DAB1: variants seen among roughly 807,000 people sequenced by gnomAD.
DAB1 encodes disabled homolog 1.
DAB1 carries 15 observed loss-of-function variants against 64.6 expected under a neutral mutation model. That is an observed-to-expected ratio of 0.23 (90% CI 0.16 to 0.36). The LOEUF is 0.36. Ranked by LOEUF, DAB1 falls within the 10% of genes least tolerant of loss-of-function variation. The pLI is 1.00. For missense variants in DAB1, 596 were observed against 706.7 expected (o/e 0.84, Z 1.78); for synonymous variants, 235 against 251.9 (o/e 0.93, Z 0.64).
chr1:57,407,468 C>T lies in DAB1; in HGVS notation c.-137+16462G>A, dbSNP rs188381880. Among the ~76,000 whole-genome samples the T allele has an allele frequency of 2.5e-3, 383 of 152,168 alleles. 3 individuals are homozygous for T. The highest frequency in any genetic ancestry group is 3.9e-3 in the Non-Finnish European group (265 of 67,996). On this transcript the variant is annotated intron_variant, in intron 1 of 14. Coordinates refer to ENST00000371236, the MANE Select transcript of DAB1 (RefSeq NM_001365792.1). Reference sequence around the variant, plus strand: ...AAGGGAAGAGCGGTGTGACTTTGTGCAATGCATTTCACTGTCTGAAGATAA... The same window carrying T: ...AAGGGAAGAGCGGTGTGACTTTGTGTAATGCATTTCACTGTCTGAAGATAA...
chr1:57,730,121 C>G (rs1459805881), intron 6 of DAB1, among the ~76,000 whole-genome samples: 1 of 152,160 alleles, frequency 6.6e-6, no homozygotes, highest in Non-Finnish European at 1.5e-5. Flanking sequence ...AACTGGGCAC[C>G]TACTGGGTGT....
intron 7 of DAB1, among the ~76,000 whole-genome samples, chr1:57,464,619 T>C (rs936381245): frequency 6.6e-6 from 1 of 152,158 alleles, no homozygotes; most frequent in African/African-American, 2.4e-5. Context: ...AAATAAGTAT[T>C]TCTCAAATGA....
At chr1:57,932,239 T>C (rs905320376) in intron 5 of DAB1, among the ~76,000 whole-genome samples, 4 of 152,218 alleles carry the variant, frequency 2.6e-5, no homozygotes, top group East Asian at 1.9e-4. Flanking sequence ...TTAAAGTTTG[T>C]TTTATGGCCC....
At chr1:57,100,024 T>C (rs1230119373) in intron 4 of DAB1, among the ~76,000 whole-genome samples, 1 of 152,130 alleles carries the variant, frequency 6.6e-6, no homozygotes, top group African/African-American at 2.4e-5. Flanking sequence ...ATTAAATCAA[T>C]CTATTCACAA....
intron 4 of DAB1, among the ~76,000 whole-genome samples, chr1:58,310,860 G>A (rs1356263190): frequency 6.6e-6 from 1 of 152,066 alleles, no homozygotes; most frequent in Non-Finnish European, 1.5e-5. Flanking sequence ...GGCATTAGGG[G>A]CAAGAGACAG....
intron 4 of DAB1, among the ~76,000 whole-genome samples, chr1:58,203,562 A>G (rs1351637120): frequency 6.6e-6 from 1 of 152,128 alleles, no homozygotes; most frequent in Non-Finnish European, 1.5e-5. Flanking sequence ...AACTTTAGGG[A>G]GCATGAGAAT....
rs1645413023 is a variant in DAB1 at position 58,475,766 on chromosome 1, T to G, written n.257+30294A>C. ...TTAAACCCATAATAATTCTGGGAAT[T>G]GGGCAGGGCAAATATTACTATCCTA... On this transcript the variant is annotated intron_variant and non_coding_transcript_variant, in intron 3 of 20. Transcript: ENST00000485760. 2.0e-5 allele frequency among the ~76,000 whole-genome samples: 3 copies of G among 152,336 alleles called. No individual in the cohort carries two copies. In the South Asian group the frequency reaches 6.2e-4, roughly 32 times the overall value.
At chr1:57,545,194 A>C (rs1421563723) in intron 7 of DAB1, among the ~76,000 whole-genome samples, 1 of 152,138 alleles carries the variant, frequency 6.6e-6, no homozygotes, top group Non-Finnish European at 1.5e-5. Context: ...ATGTCTTCTT[A>C]AATGACAACT....
At chr1:57,858,602 T>C (rs567823165) in intron 1 of DAB1, among the ~76,000 whole-genome samples, 3 of 151,742 alleles carry the variant, frequency 2.0e-5, no homozygotes, top group African/African-American at 4.8e-5. Flanking sequence ...CCAGGCCAGG[T>C]GCTTGTTAGG....
intron 6 of DAB1, among the ~76,000 whole-genome samples, chr1:57,781,112 CTCTCTCTCTCTCTCTATATATA>C (rs1650056567): frequency 1.1e-4 from 7 of 62,650 alleles, no homozygotes; most frequent in African/African-American, 4.0e-4. Context: ...CTCTCTCTCT[CTCTCTCTCTCTCTCTATATATA>C]TATATATATA....
At chr1:57,350,887 C>T (rs1224505918) in intron 1 of DAB1, among the ~76,000 whole-genome samples, 1 of 152,068 alleles carries the variant, frequency 6.6e-6, no homozygotes, top group African/African-American at 2.4e-5. Context: ...ACAGAATTTA[C>T]CAGAGATATA....
chr1:57,382,382 T>G (rs1339868607), intron 1 of DAB1, among the ~76,000 whole-genome samples: 4 of 152,230 alleles, frequency 2.6e-5, no homozygotes, highest in Non-Finnish European at 5.9e-5. Context: ...CATTCATTTA[T>G]CCATTCATTC....
chr1:58,372,109 T>A (rs1644269498), intron 3 of DAB1, among the ~76,000 whole-genome samples: 1 of 152,134 alleles, frequency 6.6e-6, no homozygotes, highest in African/African-American at 2.4e-5. Flanking sequence ...CACTGACAGC[T>A]TGCGCCAGGC....
chr1:58,414,995 T>C (rs188005822), intron 3 of DAB1, among the ~76,000 whole-genome samples: 1 of 152,248 alleles, frequency 6.6e-6, no homozygotes, highest in Non-Finnish European at 1.5e-5. Context: ...GACTGAATAG[T>C]GTCTTCTCCC....
intron 5 of DAB1, among the ~76,000 whole-genome samples, chr1:57,982,866 C>T (rs1317123055): frequency 6.6e-6 from 1 of 152,166 alleles, no homozygotes; most frequent in Non-Finnish European, 1.5e-5. Context: ...AAGCCTGGCA[C>T]TGAGTTCAAC....
At chr1:57,182,800 T>C (rs1336933679) in intron 2 of DAB1, among the ~76,000 whole-genome samples, 1 of 152,092 alleles carries the variant, frequency 6.6e-6, no homozygotes, top group African/African-American at 2.4e-5. Flanking sequence ...GAGAGAACCT[T>C]GAGCCCAGGT....
intron 7 of DAB1, among the ~76,000 whole-genome samples, chr1:57,606,392 ACACATTATAT>A (rs1645638094): frequency 7.5e-6 from 1 of 132,564 alleles, no homozygotes; most frequent in African/African-American, 2.8e-5. Context: ...ATATATATAT[ACACATTATAT>A]TATATATATG....
chr1:58,079,732 G>T (rs946358931), intron 5 of DAB1, among the ~76,000 whole-genome samples: 3 of 151,726 alleles, frequency 2.0e-5, no homozygotes, highest in African/African-American at 4.8e-5. Flanking sequence ...TCTTGGCCAC[G>T]TTGACCTTGA....
At position 57,015,472 on chromosome 1, in the gene DAB1, T is replaced by C. The variant is rs145962085; in HGVS notation, c.896-41A>G. ...AGGAGAGTCAGGTGTTTCCCTGGTG[T>C]CCTGGGAAAGAAGGATGCATGGACT... is the stretch of plus-strand genomic sequence containing the variant. On this transcript the variant is annotated intron_variant, in intron 11 of 14. Coordinates refer to ENST00000371236, the MANE Select transcript of DAB1 (RefSeq NM_001365792.1). 6,661 of 1,534,924 alleles carry C rather than the reference T, an allele frequency of 4.3e-3. 26 individuals carry two copies. Among genetic ancestry groups the C allele is most frequent in the Non-Finnish European group, 5.3e-3 (5,974 of 1,132,636 alleles).
Sources: gnomAD v4.1 joint callset for allele counts (sites outside exome capture counted in the v4.1 genomes callset) on GRCh38, gnomAD v4.1.1 for gene constraint, MANE v1.5 for transcripts, NCBI Gene and HGNC (gene_info 2026-07-23, HGNC 2026-07-21) for gene names.